Variants in PKD1L1 observed in about 807,000 individuals in gnomAD.
PKD1L1 encodes polycystin-1-like protein 1.
A neutral mutation model predicts 323.4 loss-of-function variants in PKD1L1; 236 were observed. The ratio of observed to expected loss-of-function variants is 0.73; its 90% CI spans 0.66 to 0.81. The LOEUF (loss-of-function observed/expected upper bound fraction) is 0.81. PKD1L1 is among the 40% of genes least tolerant of loss of function. The pLI is 0.00. For synonymous variants in PKD1L1, 1,344 were observed against 1,335.0 expected (o/e 1.01, Z -0.15); for missense variants, 3,320 against 3,508.0 (o/e 0.95, Z 1.35).
rs1249313989 is a variant in PKD1L1, at chr7:47,775,159, T to C, written c.8534A>G (p.Asp2845Gly). 3.1e-6 allele frequency: 5 copies of C among 1,614,044 alleles called. No homozygotes were observed. The highest frequency in any genetic ancestry group is 1.7e-6 in the Non-Finnish European group (2 of 1,179,972). The change falls in exon 57 of 57, where the codon GAC becomes GGC. Residue 2845 changes from aspartate to glycine, a missense_variant. Physicochemically the swap from Asp to Gly is moderately conservative, Grantham distance 94 (BLOSUM62 -1). Coordinates refer to ENST00000289672, the MANE Select transcript of PKD1L1 (RefSeq NM_138295.5). ...CCAGGCTCCTCAGAAGTCCTTGATG[T>C]CTGCTGGCTAAAAAGAAAAAATGAA... ...ISSYQAAEPA[D>G]IKDF
At chr7:47,843,267 C>T (rs1785599974) in intron 33 of PKD1L1, 98 bp from the exon 34 acceptor site, 3 of 896,128 alleles carry the variant, frequency 3.3e-6, no homozygotes. Flanking sequence ...CACAAAAGTC[C>T]CTGCTGGGCT....
At chr7:47,807,179 G>T (rs75888355) in intron 52 of PKD1L1, among the ~76,000 whole-genome samples, 1 of 152,016 alleles carries the variant, frequency 6.6e-6, no homozygotes, top group Non-Finnish European at 1.5e-5. Context: ...TTTCACTTCA[G>T]GAGAAAAGCC....
intron 7 of PKD1L1, among the ~76,000 whole-genome samples, chr7:47,927,689 A>G (rs531378031): frequency 5.3e-5 from 8 of 152,364 alleles, no homozygotes; most frequent in South Asian, 4.1e-4. Context: ...AATAAAATGT[A>G]AATTTTAAAA....
chr7:47,880,282 A>T (rs765014501), intron 21 of PKD1L1, among the ~76,000 whole-genome samples: 7,250 of 68,982 alleles, frequency 0.11, 880 homozygotes, highest in African/African-American at 0.16. Flanking sequence ...ATATATATAT[A>T]TATTTTTTTT....
chr7:47,781,184 G>A (rs1786683966), intron 56 of PKD1L1, among the ~76,000 whole-genome samples: 1 of 152,098 alleles, frequency 6.6e-6, no homozygotes, highest in Non-Finnish European at 1.5e-5. Flanking sequence ...TTTGCCATCT[G>A]TACATCTTCT....
chr7:47,906,261 T>A, intron 9 of PKD1L1, among the ~76,000 whole-genome samples: 1 of 152,226 alleles, frequency 6.6e-6, no homozygotes, highest in Non-Finnish European at 1.5e-5. Context: ...GCCTTGTTTT[T>A]AAAGTATTTC....
At position 47,811,957 on chromosome 7, in the gene PKD1L1, G is replaced by A; in HGVS notation, c.7441C>T (p.Pro2481Ser). The part of the protein sequence containing the change: ...AVSVHFTLYN[P>S]PTQLFTSVSL... Reference sequence around the variant, plus strand: ...ACGCTGGTGAAGAGTTGGGTTGGAGGGTTATAGAGAGTGAAGTGCACAGAC... The same window carrying A: ...ACGCTGGTGAAGAGTTGGGTTGGAGAGTTATAGAGAGTGAAGTGCACAGAC... Residue 2481 changes from proline to serine, a missense_variant, in exon 50 of 57, where the codon CCT becomes TCT. Physicochemically the swap from Pro to Ser is moderately conservative, Grantham distance 74. Coordinates refer to ENST00000289672, the MANE Select transcript of PKD1L1 (RefSeq NM_138295.5). 6.2e-7 allele frequency: 1 copy of A among 1,603,290 alleles called. No individual in the cohort carries two copies. The highest frequency in any genetic ancestry group is 8.5e-7 in the Non-Finnish European group (1 of 1,175,056).
At chr7:47,780,003 T>C (rs1786653788) in intron 56 of PKD1L1, among the ~76,000 whole-genome samples, 1 of 151,678 alleles carries the variant, frequency 6.6e-6, no homozygotes, top group Non-Finnish European at 1.5e-5. Flanking sequence ...TAATTTTGTA[T>C]GCTATAACAA....
chr7:47,904,667 C>T (rs780785444), intron 11 of PKD1L1, 50 bp from the exon 12 acceptor site: 63 of 1,578,188 alleles, frequency 4.0e-5, no homozygotes, highest in Non-Finnish European at 5.2e-5. Context: ...AAGACAAGAA[C>T]AGGGTCAGGT....
chr7:47,798,894 T>A (rs1392809060), intron 54 of PKD1L1, among the ~76,000 whole-genome samples: 1 of 152,120 alleles, frequency 6.6e-6, no homozygotes, highest in Non-Finnish European at 1.5e-5. Flanking sequence ...AAGAAAACAT[T>A]GAAAAACTGG....
chr7:47,891,995 G>T (rs745457474), intron 15 of PKD1L1, among the ~76,000 whole-genome samples: 1 of 152,120 alleles, frequency 6.6e-6, no homozygotes, highest in Non-Finnish European at 1.5e-5. Context: ...TGATCACAGG[G>T]GTTGGGAAAA....
At position 47,876,143 on chromosome 7, in the gene PKD1L1, CT is replaced by C; in HGVS notation, c.3737del (p.Gln1246ArgfsTer38). ...CACCAGCTGGCAACACAAAATAATA[CT>C]GGGTGTCTCTCCCATGGTACAAAGT... ...KHTLYHGRDT[Q>X]YYFVLPAGEH... On this transcript the variant is annotated frameshift_variant, in exon 23 of 57. Transcript: ENST00000289672. LOFTEE classifies it high-confidence loss of function. 1 of 1,614,142 alleles carries C rather than the reference CT, an allele frequency of 6.2e-7. No homozygotes were observed. Among genetic ancestry groups the C allele is most frequent in the Non-Finnish European group, 8.5e-7 (1 of 1,180,006 alleles).
In PKD1L1 at chr7:47,853,242, C is replaced by A; in HGVS notation, c.4860-15G>T. On this transcript the variant is annotated splice_polypyrimidine_tract_variant and intron_variant, in intron 30 of 56. Transcript: ENST00000289672. ...TCTCAGAGAATCTAGGAGATAAAAA[C>A]AAAATAGGGATTTCTCATTTTTTTC... The A allele has an allele frequency of 6.6e-7, 1 of 1,512,740 alleles. No individual in the cohort carries two copies. Among genetic ancestry groups the A allele is most frequent in the Non-Finnish European group, 9.2e-7 (1 of 1,090,102 alleles). The allele number at this position is 1,512,740 out of a possible 1,614,324, so 93.7% of individuals were successfully genotyped here.
rs764530810 is a variant in PKD1L1, at chr7:47,932,017, C to T, written c.438G>A (p.Trp146Ter). The change falls in exon 5 of 57, where the codon TGG (tryptophan) becomes TGA (stop). Residue 146 changes from tryptophan (W) to a stop codon, truncating the protein, a stop_gained. Coordinates refer to ENST00000289672, the MANE Select transcript of PKD1L1 (RefSeq NM_138295.5). LOFTEE classifies it high-confidence loss of function. ...GATGGAACCTGGGGCCACCACTGCTCCAGGCCCTTGCGATTATAATGAAAG... is the reference window on the plus strand; with the variant it reads ...GATGGAACCTGGGGCCACCACTGCTTCAGGCCCTTGCGATTATAATGAAAG... The part of the protein sequence containing the change: ...HKPFIIIARA[W>*]SSGGPRFHHR... The T allele has an allele frequency of 6.2e-7, 1 of 1,613,788 alleles. No individual in the cohort carries two copies. The highest frequency in any genetic ancestry group is 1.7e-5 in the Admixed American group (1 of 59,976).
At chr7:47,914,726 CCTCTCTTTCTCT>C (rs564962378) in intron 8 of PKD1L1, among the ~76,000 whole-genome samples, 188 of 152,214 alleles carry the variant, frequency 1.2e-3, no homozygotes, top group Non-Finnish European at 2.1e-3. Flanking sequence ...CCCCTTCCTC[CCTCTCTTTCTCT>C]CTCTCTTTTC....
intron 45 of PKD1L1, among the ~76,000 whole-genome samples, chr7:47,821,522 G>T (rs1785140503): frequency 6.6e-6 from 1 of 152,096 alleles, no homozygotes. Context: ...ACCTGCCTCA[G>T]CCTCCCAAAG....
At chr7:47,902,264 A>T in intron 13 of PKD1L1, 115 bp downstream of exon 13, 1 of 1,399,610 alleles carries the variant, frequency 7.1e-7, no homozygotes, top group Non-Finnish European at 9.6e-7. Flanking sequence ...GCAGTAGGAT[A>T]AACTGGACAA....
intron 45 of PKD1L1, among the ~76,000 whole-genome samples, chr7:47,825,387 C>T (rs1268409430): frequency 3.3e-5 from 5 of 151,836 alleles, no homozygotes; most frequent in African/African-American, 9.7e-5. Context: ...AAAAATTAGC[C>T]GGGCATGGTG....
chr7:47,879,709 A>T (rs57503513), intron 21 of PKD1L1, among the ~76,000 whole-genome samples: 1 of 137,184 alleles, frequency 7.3e-6, no homozygotes, highest in Admixed American at 7.3e-5. Flanking sequence ...TGAGACGGGC[A>T]GATCACAAGG....
Sources: allele counts gnomAD v4.1 joint callset (sites outside exome capture counted in the v4.1 genomes callset), GRCh38; gene constraint gnomAD v4.1.1; transcripts MANE v1.5; gene names NCBI Gene and HGNC (gene_info 2026-07-23, HGNC 2026-07-21).